The following CDH12 variants were observed in gnomAD, a reference collection of about 807,000 sequenced individuals.
CDH12 encodes cadherin-12.
In CDH12, 41 loss-of-function variants were observed where a neutral mutation model predicts 74.1. The observed-to-expected ratio is 0.55, with a 90% CI of 0.43 to 0.72. The LOEUF is 0.72. Ranked by LOEUF, CDH12 falls within the 30% of genes least tolerant of loss-of-function variation. The pLI is 0.00. For synonymous variants in CDH12, 399 were observed against 355.0 expected, an observed-to-expected ratio of 1.12 and a Z score of -1.39; for missense variants, 945 against 977.2, an observed-to-expected ratio of 0.97 and a Z score of 0.44.
chr5:22,330,791 T>C (rs1266404801), intron 3 of CDH12, among the ~76,000 whole-genome samples: 3 of 151,310 alleles, frequency 2.0e-5, no homozygotes, highest in Non-Finnish European at 4.4e-5. Flanking sequence ...AAGGGAACTT[T>C]GTCTTCCACT....
intron 8 of CDH12, among the ~76,000 whole-genome samples, chr5:21,835,200 C>A (rs1326373300): frequency 6.6e-6 from 1 of 151,820 alleles, no homozygotes; most frequent in Non-Finnish European, 1.5e-5. Flanking sequence ...AGATTGCCTT[C>A]TCTGGACTCA....
intron 5 of CDH12, among the ~76,000 whole-genome samples, chr5:22,047,238 T>C (rs1304170156): frequency 6.6e-6 from 1 of 152,192 alleles, no homozygotes; most frequent in Admixed American, 6.5e-5. Context: ...TAGGATCCCT[T>C]CCTTAAACTT....
intron 6 of CDH12, among the ~76,000 whole-genome samples, chr5:21,897,042 G>A (rs1287483911): frequency 6.6e-6 from 1 of 152,030 alleles, no homozygotes; most frequent in Non-Finnish European, 1.5e-5. Context: ...AAAATATTGA[G>A]TTCATAAAGA....
chr5:22,375,787 AAAAC>A lies in CDH12; in HGVS notation c.-333+29466_-333+29469del, dbSNP rs566131003. ...AGAATGGCTATTATTGAAAAGACAA[AAAAC>A]AAACAAACAAACAGAAAAAAAAACA... On this transcript the variant is annotated intron_variant, in intron 3 of 14. Coordinates refer to ENST00000382254, the MANE Select transcript of CDH12 (RefSeq NM_004061.5). Among the ~76,000 whole-genome samples, 188 of 152,208 alleles carry A rather than the reference AAAAC, an allele frequency of 1.2e-3. 1 individual carries two copies. The highest frequency in any genetic ancestry group is 4.8e-3 in the Admixed American group (73 of 15,278).
At chr5:22,192,712 C>T (rs116555557) in intron 4 of CDH12, among the ~76,000 whole-genome samples, 8,575 of 152,190 alleles carry the variant, frequency 0.056, 268 homozygotes, top group Non-Finnish European at 0.063. Context: ...TCAGAGTAGA[C>T]CTCTTATCCC....
At chr5:22,042,736 G>C (rs1739656305) in intron 5 of CDH12, among the ~76,000 whole-genome samples, 1 of 151,532 alleles carries the variant, frequency 6.6e-6, no homozygotes, top group African/African-American at 2.4e-5. Flanking sequence ...AAATAATAAA[G>C]AAATTTAGCT....
chr5:22,234,345 T>C (rs1314609666), intron 3 of CDH12, among the ~76,000 whole-genome samples: 1 of 152,090 alleles, frequency 6.6e-6, no homozygotes, highest in Admixed American at 6.6e-5. Context: ...AATTGAATCA[T>C]GGGGGCCAGT....
chr5:21,767,979 C>T (rs1386056028), intron 11 of CDH12, among the ~76,000 whole-genome samples: 1 of 151,676 alleles, frequency 6.6e-6, no homozygotes, highest in African/African-American at 2.4e-5. Context: ...CTTACTGACT[C>T]ATCTAATGAA....
chr5:21,792,838 G>T (rs1746580251), intron 10 of CDH12, among the ~76,000 whole-genome samples: 1 of 151,638 alleles, frequency 6.6e-6, no homozygotes. Context: ...CTAATAGAAA[G>T]AAAATGAGGT....
chr5:22,441,487 G>A (rs571238986), intron 2 of CDH12, among the ~76,000 whole-genome samples: 1 of 152,094 alleles, frequency 6.6e-6, no homozygotes, highest in African/African-American at 2.4e-5. Context: ...TATTTTTTAT[G>A]TTATTCTAAT....
intron 5 of CDH12, among the ~76,000 whole-genome samples, chr5:21,991,902 T>A (rs1053844460): frequency 8.5e-5 from 13 of 152,076 alleles, no homozygotes; most frequent in African/African-American, 2.9e-4. Flanking sequence ...TGGTCTTATA[T>A]CCTGTAATAG....
chr5:22,617,338 T>G (rs575342902), intron 1 of CDH12, among the ~76,000 whole-genome samples: 74 of 152,090 alleles, frequency 4.9e-4, no homozygotes, highest in Non-Finnish European at 9.4e-4. Flanking sequence ...GAGAAATAAA[T>G]TTTTGTTGTT....
chr5:22,095,193 C>T (rs866231947), intron 4 of CDH12, among the ~76,000 whole-genome samples: 5 of 152,302 alleles, frequency 3.3e-5, no homozygotes, highest in African/African-American at 2.4e-5. Context: ...AGGAACATCT[C>T]ACCAATTTTA....
At chr5:22,203,462 A>G (rs546281162) in intron 4 of CDH12, among the ~76,000 whole-genome samples, 54 of 152,270 alleles carry the variant, frequency 3.5e-4, no homozygotes, top group Middle Eastern at 3.4e-3. Flanking sequence ...TCTACTGTGT[A>G]TATATACCAC....
chr5:21,915,913 A>C, intron 6 of CDH12, among the ~76,000 whole-genome samples: 1 of 149,572 alleles, frequency 6.7e-6, no homozygotes, highest in East Asian at 2.0e-4. Flanking sequence ...GAAAAAAAAT[A>C]AAAGACCTAG....
chr5:22,748,347 A>T (rs1378131426), intron 1 of CDH12, among the ~76,000 whole-genome samples: 1 of 152,120 alleles, frequency 6.6e-6, no homozygotes, highest in African/African-American at 2.4e-5. Context: ...AATAGACTGG[A>T]TGTAGCAAAG....
intron 4 of CDH12, among the ~76,000 whole-genome samples, chr5:22,203,870 C>T (rs1751054215): frequency 6.6e-6 from 1 of 152,102 alleles, no homozygotes; most frequent in Admixed American, 6.5e-5. Flanking sequence ...TTTTCATGTT[C>T]CTGTTGGCCA....
chr5:21,765,215 C>T, intron 11 of CDH12, 116 bp from the exon 12 acceptor site: 2 of 824,240 alleles, frequency 2.4e-6, no homozygotes, highest in Non-Finnish European at 3.4e-6. Flanking sequence ...GAAAAAAAAT[C>T]CTTCTTATAG....
chr5:22,333,289 G>T (rs1739425954), intron 3 of CDH12, among the ~76,000 whole-genome samples: 1 of 151,898 alleles, frequency 6.6e-6, no homozygotes, highest in Admixed American at 6.6e-5. Flanking sequence ...CACAACGAGG[G>T]TAACAACACA....
Sources: allele counts gnomAD v4.1 joint callset (sites outside exome capture counted in the v4.1 genomes callset), GRCh38; gene constraint gnomAD v4.1.1; transcripts MANE v1.5; gene names NCBI Gene and HGNC (gene_info 2026-07-23, HGNC 2026-07-21).